The following GRID1 variants were observed in gnomAD, a reference collection of about 807,000 sequenced individuals.
GRID1 encodes glutamate receptor ionotropic, delta-1.
A neutral mutation model predicts 98.0 loss-of-function variants in GRID1; 28 were observed. The observed-to-expected ratio is 0.29, with a 90% confidence interval of 0.21 to 0.39. The LOEUF is 0.39. Among genes scored for constraint, GRID1 ranks in the 10% least tolerant of loss-of-function variants. The pLI is 1.00. For missense variants in GRID1, 1,111 were observed against 1,340.5 expected (o/e 0.83, Z 2.67); for synonymous variants, 553 against 538.5 (o/e 1.03, Z -0.37).
At chr10:85,932,893 T>G (rs968551802) in intron 4 of GRID1, among the ~76,000 whole-genome samples, 11 of 152,168 alleles carry the variant, frequency 7.2e-5, no homozygotes, top group African/African-American at 2.7e-4. Context: ...AATATCGATT[T>G]TCTGCACCAA....
intron 2 of GRID1, among the ~76,000 whole-genome samples, chr10:86,283,971 C>A (rs116661935): frequency 0.023 from 3,439 of 150,384 alleles, 43 homozygotes; most frequent in Middle Eastern, 0.053. Flanking sequence ...CATATACACA[C>A]CTGCCCTCTC....
chr10:85,924,287 C>A (rs946652083), intron 4 of GRID1, among the ~76,000 whole-genome samples: 1 of 152,190 alleles, frequency 6.6e-6, no homozygotes, highest in Non-Finnish European at 1.5e-5. Context: ...TCACTTTGCA[C>A]GAACTTCATT....
chr10:85,668,082 G>A (rs1841043280), intron 12 of GRID1, among the ~76,000 whole-genome samples: 1 of 152,180 alleles, frequency 6.6e-6, no homozygotes, highest in South Asian at 2.1e-4. Flanking sequence ...TATGAGATAA[G>A]GTGCATTAGC....
chr10:86,123,537 G>A (rs1395396928), intron 4 of GRID1, among the ~76,000 whole-genome samples: 1 of 152,176 alleles, frequency 6.6e-6, no homozygotes, highest in African/African-American at 2.4e-5. Context: ...TTACCTATTG[G>A]CACAAGGGCA....
chr10:86,201,604 G>T (rs911816375), intron 3 of GRID1, among the ~76,000 whole-genome samples: 3 of 151,616 alleles, frequency 2.0e-5, no homozygotes, highest in African/African-American at 7.3e-5. Flanking sequence ...TACTGTCTTG[G>T]TGATGAAATA....
intron 4 of GRID1, among the ~76,000 whole-genome samples, chr10:86,066,134 CA>C (rs1843716637): frequency 6.6e-6 from 1 of 152,118 alleles, no homozygotes; most frequent in Non-Finnish European, 1.5e-5. Flanking sequence ...CAATTGCCCA[CA>C]CATAGCAGGA....
intron 3 of GRID1, among the ~76,000 whole-genome samples, chr10:86,198,471 G>A (rs1401495671): frequency 6.6e-6 from 1 of 152,148 alleles, no homozygotes; most frequent in East Asian, 1.9e-4. Flanking sequence ...TGGGACCACT[G>A]CTGGGCACAG....
intron 2 of GRID1, chr10:86,264,818 C>T (rs1847079803): frequency 2.1e-6 from 1 of 469,010 alleles, no homozygotes; most frequent in Admixed American, 2.4e-5. Flanking sequence ...TCACCGCCGC[C>T]CCTTCCTGGT....
intron 4 of GRID1, among the ~76,000 whole-genome samples, chr10:85,946,383 CA>C (rs1453465497): frequency 6.6e-6 from 1 of 152,186 alleles, no homozygotes; most frequent in Non-Finnish European, 1.5e-5. Flanking sequence ...CCATTCGACC[CA>C]AGTGTCAACT....
At chr10:85,644,522 C>T (rs897244917) in intron 13 of GRID1, among the ~76,000 whole-genome samples, 1 of 152,178 alleles carries the variant, frequency 6.6e-6, no homozygotes, top group African/African-American at 2.4e-5. Flanking sequence ...TTATTTTACT[C>T]AATATTATTC....
chr10:86,254,565 T>C (rs2132051190), intron 2 of GRID1, among the ~76,000 whole-genome samples: 1 of 150,818 alleles, frequency 6.6e-6, no homozygotes, highest in South Asian at 2.1e-4. Flanking sequence ...TCAAAACCCT[T>C]GATACTCACG....
intron 5 of GRID1, among the ~76,000 whole-genome samples, chr10:85,874,416 T>C (rs1025935946): frequency 1.3e-5 from 2 of 152,230 alleles, no homozygotes; most frequent in Non-Finnish European, 1.5e-5. Flanking sequence ...TAAGTATGCA[T>C]TGGAGCATTG....
In GRID1 at chr10:86,303,264, A is replaced by G. The variant is rs547704733; in HGVS notation, c.235+60677T>C. On this transcript the variant is annotated intron_variant, in intron 2 of 15. Coordinates refer to ENST00000327946, the MANE Select transcript of GRID1 (RefSeq NM_017551.3). The stretch of plus-strand genomic sequence containing the variant: ...AGCAGATATATGACAAATGTTAACA[A>G]TGTTTAAATCCAGATGTAAATGGCT... Among the ~76,000 whole-genome samples, 7 of 152,370 alleles carry G rather than the reference A, an allele frequency of 4.6e-5. No homozygotes were observed. The East Asian group carries it at 1.3e-3, about 29-fold the overall frequency.
intron 4 of GRID1, among the ~76,000 whole-genome samples, chr10:85,976,908 G>A (rs1466295767): frequency 1.3e-5 from 2 of 152,222 alleles, no homozygotes; most frequent in Admixed American, 6.5e-5. Flanking sequence ...ACCATAATGG[G>A]AACTTGTCTG....
chr10:85,882,167 C>G, intron 5 of GRID1, among the ~76,000 whole-genome samples: 1 of 152,154 alleles, frequency 6.6e-6, no homozygotes, highest in Non-Finnish European at 1.5e-5. Flanking sequence ...ACTTTTACAC[C>G]ATTGGTGGGA....
chr10:85,727,618 A>G (rs1003648622), intron 10 of GRID1, among the ~76,000 whole-genome samples: 2 of 152,166 alleles, frequency 1.3e-5, no homozygotes, highest in African/African-American at 4.8e-5. Context: ...ATAGACTTCA[A>G]AGGAATGACA....
chr10:86,050,483 C>T (rs1843485886), intron 4 of GRID1, among the ~76,000 whole-genome samples: 1 of 151,986 alleles, frequency 6.6e-6, no homozygotes. Context: ...TAAGCAAAAA[C>T]CAGAAAATTT....
intron 6 of GRID1, among the ~76,000 whole-genome samples, chr10:85,863,611 A>T (rs908480030): frequency 6.6e-6 from 1 of 152,154 alleles, no homozygotes; most frequent in African/African-American, 2.4e-5. Context: ...AGGACCAGAG[A>T]TAATAAGCAT....
chr10:86,028,479 C>T (rs948827705), intron 4 of GRID1, among the ~76,000 whole-genome samples: 2 of 152,186 alleles, frequency 1.3e-5, no homozygotes, highest in African/African-American at 4.8e-5. Flanking sequence ...TACAACAAAA[C>T]AGGTATCTGT....
Sources: gnomAD v4.1 joint callset for allele counts (sites outside exome capture counted in the v4.1 genomes callset) on GRCh38, gnomAD v4.1.1 for gene constraint, MANE v1.5 for transcripts, NCBI Gene and HGNC (gene_info 2026-07-23, HGNC 2026-07-21) for gene names.